Variants in ZNF805 observed in about 807,000 individuals in gnomAD.
The protein encoded by ZNF805 is CTC-444N24.8.
Under a neutral mutation model 13.6 loss-of-function variants are expected in ZNF805, and 7 were observed. The observed-to-expected ratio is 0.51, with a 90% CI of 0.29 to 0.97. The LOEUF (loss-of-function observed/expected upper bound fraction) is 0.97, where lower values mean the gene tolerates loss of function less well. Ranked by LOEUF, ZNF805 falls within the 50% of genes least tolerant of loss-of-function variation. The pLI, the probability that ZNF805 is intolerant of heterozygous loss-of-function variation, is 0.08. For missense variants in ZNF805, 604 were observed against 771.0 expected, an observed-to-expected ratio of 0.78 and a Z score of 2.57; for synonymous variants, 293 against 279.8, an observed-to-expected ratio of 1.05 and a Z score of -0.47.
chr19:57,260,155 A>G lies in ZNF805; in HGVS notation c.*5452A>G, dbSNP rs2087715367. 1.3e-5 allele frequency among the ~76,000 whole-genome samples: 2 copies of G among 152,100 alleles called. No homozygotes were observed. The highest frequency in any genetic ancestry group is 2.9e-5 in the Non-Finnish European group (2 of 68,024). On this transcript the variant is annotated 3_prime_UTR_variant, in exon 4 of 4. Coordinates refer to ENST00000414468, the MANE Select transcript of ZNF805 (RefSeq NM_001023563.4). ...TCTAAGATCACTCTTACACTTTTTT[A>G]TTAGACACACACACACCCTTCCCCA...
rs527809471 is a variant in ZNF805, at chr19:57,241,404, A to G, written c.30+483A>G. ...AAGCCATACGTGCTCAGCCTAACCA[A>G]TCACATACGATGCCCCACTTCTAGT... On this transcript the variant is annotated intron_variant, in intron 1 of 3. Coordinates refer to ENST00000414468, the MANE Select transcript of ZNF805 (RefSeq NM_001023563.4). 8.2e-4 allele frequency among the ~76,000 whole-genome samples: 125 copies of G among 152,162 alleles called. 1 individual carries two copies. Among genetic ancestry groups the G allele is most frequent in the Admixed American group, 1.4e-3 (22 of 15,272 alleles).
In ZNF805 at chr19:57,257,698, CTTTTTTTTTTTTT is replaced by C. The variant is rs869290620; in HGVS notation, c.*3008_*3020del. On this transcript the variant is annotated 3_prime_UTR_variant, in exon 4 of 4. Coordinates refer to ENST00000414468, the MANE Select transcript of ZNF805 (RefSeq NM_001023563.4). ...GTGGTTTTATATCCAGTTTGCGTATCTTTTTTTTTTTTTTTTTTTTTTTTTGAGACGGAGTTTT... is the reference window on the plus strand; with the variant it reads ...GTGGTTTTATATCCAGTTTGCGTATCTTTTTTTTTTTTGAGACGGAGTTTT... 3.2e-3 allele frequency among the ~76,000 whole-genome samples: 112 copies of C among 35,110 alleles called. 2 individuals are homozygous for C. The highest frequency in any genetic ancestry group is 0.014 in the African/African-American group (108 of 7,952). 23.0% of individuals were successfully genotyped at this position (35,110 alleles called of 152,430 possible).
At chr19:57,252,960 T>C (rs2087660328) in intron 3 of ZNF805, 113 bp from the exon 4 acceptor site, 6 of 964,098 alleles carry the variant, frequency 6.2e-6, no homozygotes, top group South Asian at 3.5e-5. Context: ...TGGCAAAATA[T>C]AACAGACATA....
At chr19:57,243,370 G>T (rs2087591346) in intron 1 of ZNF805, among the ~76,000 whole-genome samples, 1 of 152,178 alleles carries the variant, frequency 6.6e-6, no homozygotes, top group South Asian at 2.1e-4. Flanking sequence ...AGTCCAGTAA[G>T]CTCTGAATAA....
chr19:57,256,435 C>T lies in ZNF805; in HGVS notation c.*1732C>T, dbSNP rs1599998996. ...TGTTCCTTTAATGTTTGGTAGCTTT[C>T]TCCAGTGAAGAAGTGGGACCTGGAG... On this transcript the variant is annotated 3_prime_UTR_variant, in exon 4 of 4. Coordinates refer to ENST00000414468, the MANE Select transcript of ZNF805 (RefSeq NM_001023563.4). 6.6e-6 allele frequency among the ~76,000 whole-genome samples: 1 copy of T among 152,070 alleles called. No homozygotes were observed. The highest frequency in any genetic ancestry group is 2.1e-4 in the South Asian group (1 of 4,828).
At position 57,257,344 on chromosome 19, in the gene ZNF805, A is replaced by G. The variant is rs2087693423; in HGVS notation, c.*2641A>G. ...AGTATTTCTATCAATTGCCAAGAGAAGGATGTTGAAGTCCTGAGCTATAAT... is the reference window on the plus strand; with the variant it reads ...AGTATTTCTATCAATTGCCAAGAGAGGGATGTTGAAGTCCTGAGCTATAAT... On this transcript the variant is annotated 3_prime_UTR_variant, in exon 4 of 4. Coordinates refer to ENST00000414468, the MANE Select transcript of ZNF805 (RefSeq NM_001023563.4). Among the ~76,000 whole-genome samples the G allele has an allele frequency of 6.6e-6, 1 of 152,174 alleles. No individual in the cohort carries two copies. Among genetic ancestry groups the G allele is most frequent in the African/African-American group, 2.4e-5 (1 of 41,434 alleles).
Position 57,240,846 on chromosome 19 carries a change from C to T in ZNF805, c.-46C>T, listed in dbSNP as rs2087574460. 1 of 1,541,422 alleles carries T rather than the reference C, an allele frequency of 6.5e-7. No homozygotes were observed. Among genetic ancestry groups the T allele is most frequent in the Non-Finnish European group, 8.8e-7 (1 of 1,140,614 alleles). ...GCTCGGCTGAGCCCGCGAGACCCGCCCTGCTCGCCGCAGCCCCCGCCCCGC... is the reference window on the plus strand; with the variant it reads ...GCTCGGCTGAGCCCGCGAGACCCGCTCTGCTCGCCGCAGCCCCCGCCCCGC... On this transcript the variant is annotated 5_prime_UTR_variant, in exon 1 of 4. Transcript: ENST00000414468.
At chr19:57,248,810 TTTGGG>T in intron 3 of ZNF805, 110 bp downstream of exon 3, 2 of 1,026,680 alleles carry the variant, frequency 1.9e-6, no homozygotes, top group Non-Finnish European at 3.0e-6. Flanking sequence ...TCTCTAAGGG[TTTGGG>T]AGCCTTGGAG....
At chr19:57,248,414 G>C (rs965745366) in intron 2 of ZNF805, among the ~76,000 whole-genome samples, 191 bp from the exon 3 acceptor site, 2 of 152,152 alleles carry the variant, frequency 1.3e-5, no homozygotes, top group Non-Finnish European at 2.9e-5. Flanking sequence ...TTACTATTAG[G>C]AGTAGAGATT....
rs1315234023 is a variant in ZNF805 at position 57,248,691 on chromosome 19, A to G, written c.244A>G (p.Thr82Ala). ...WTRKEDLSQGTCPGDKGKPKS... is the reference protein window; with the variant it reads ...WTRKEDLSQGACPGDKGKPKS... Reference sequence around the variant, plus strand: ...CAGGAAGGAAGACCTCTCCCAAGGCACCTGTCCAGGTAGGAGCCAAGATCT... The same window carrying G: ...CAGGAAGGAAGACCTCTCCCAAGGCGCCTGTCCAGGTAGGAGCCAAGATCT... The change falls in exon 3 of 4, where the codon ACC (threonine) becomes GCC (alanine). Residue 82 changes from threonine to alanine, a missense_variant. By Grantham distance (58) the Thr-to-Ala change is moderately conservative. This residue lies in a region of ZNF805 where 327 missense variants were observed against 378.2 expected (regional missense o/e 0.86). Transcript: ENST00000414468. The G allele has an allele frequency of 6.3e-7, 1 of 1,588,670 alleles. No homozygotes were observed. Among genetic ancestry groups the G allele is most frequent in the Non-Finnish European group, 8.6e-7 (1 of 1,166,144 alleles).
chr19:57,251,499 G>C (rs2087651747), intron 3 of ZNF805, among the ~76,000 whole-genome samples: 1 of 151,658 alleles, frequency 6.6e-6, no homozygotes, highest in South Asian at 2.1e-4. Context: ...TTTTATTTTT[G>C]TACATTATAG....
At chr19:57,252,339 C>T (rs2087656758) in intron 3 of ZNF805, among the ~76,000 whole-genome samples, 2 of 152,166 alleles carry the variant, frequency 1.3e-5, no homozygotes, top group African/African-American at 4.8e-5. Flanking sequence ...CAGGGATTTC[C>T]TGAAACCAAC....
At position 57,260,616 on chromosome 19, in the gene ZNF805, C is replaced by G. The variant is rs2087718547; in HGVS notation, c.*5913C>G. Among the ~76,000 whole-genome samples, 1 of 152,136 alleles carries G rather than the reference C, an allele frequency of 6.6e-6. No homozygotes were observed. Among genetic ancestry groups the G allele is most frequent in the Non-Finnish European group, 1.5e-5 (1 of 68,032 alleles). On this transcript the variant is annotated 3_prime_UTR_variant, in exon 4 of 4. Coordinates refer to ENST00000414468, the MANE Select transcript of ZNF805 (RefSeq NM_001023563.4). ...TTCCATCTGTAAAACAGCTTTACTT[C>G]CCAGCATCCATCATGATCATTGCTG...
chr19:57,262,183 G>C lies in ZNF805; in HGVS notation c.*7480G>C, dbSNP rs539383972. ...ATGAACCTTGCAAGATCAAAGAATA[G>C]CAGTCTCTGGCCTGCTCTGTTCTCT... On this transcript the variant is annotated 3_prime_UTR_variant, in exon 4 of 4. Transcript: ENST00000414468. 1 of 167,140 alleles carries C rather than the reference G, an allele frequency of 6.0e-6. No individual in the cohort carries two copies. Among genetic ancestry groups the C allele is most frequent in the East Asian group, 1.9e-4 (1 of 5,188 alleles). The allele number at this position is 167,140 out of a possible 1,614,324, so 10.4% of individuals were successfully genotyped here.
chr19:57,240,795 CG>C lies in ZNF805; in HGVS notation c.-94del. ...GAGTTTGACTGTCAGCCAAGGTCACCGGGCCCGGCGCAGGGAAGGGGTGGGG... is the reference window on the plus strand; with the variant it reads ...GAGTTTGACTGTCAGCCAAGGTCACCGGCCCGGCGCAGGGAAGGGGTGGGG... On this transcript the variant is annotated 5_prime_UTR_variant, in exon 1 of 4. Coordinates refer to ENST00000414468, the MANE Select transcript of ZNF805 (RefSeq NM_001023563.4). The C allele has an allele frequency of 2.4e-6, 3 of 1,231,690 alleles. No individual in the cohort carries two copies. Among genetic ancestry groups the C allele is most frequent in the South Asian group, 3.0e-5 (2 of 67,228 alleles). 76.3% of individuals were successfully genotyped at this position (1,231,690 alleles called of 1,614,324 possible).
chr19:57,244,160 C>T, intron 2 of ZNF805, 111 bp downstream of exon 2: 1 of 1,365,162 alleles, frequency 7.3e-7, no homozygotes. Flanking sequence ...TTGCCTCCTT[C>T]CCACAAATTC....
intron 1 of ZNF805, among the ~76,000 whole-genome samples, chr19:57,243,373 C>G (rs2087591375): frequency 6.6e-6 from 1 of 152,164 alleles, no homozygotes; most frequent in South Asian, 2.1e-4. Flanking sequence ...CCAGTAAGCT[C>G]TGAATAACTC....
chr19:57,252,992 T>A, intron 3 of ZNF805, 81 bp from the exon 4 acceptor site: 2 of 1,204,294 alleles, frequency 1.7e-6, no homozygotes, highest in East Asian at 2.9e-5. Flanking sequence ...TATAACTTCA[T>A]TTTTTTTACT....
At chr19:57,247,267 G>T (rs1356945946) in intron 2 of ZNF805, among the ~76,000 whole-genome samples, 1 of 152,138 alleles carries the variant, frequency 6.6e-6, no homozygotes, top group Admixed American at 6.5e-5. Flanking sequence ...CTGGGGTCTG[G>T]AGTCACTGAC....
Sources: allele counts gnomAD v4.1 joint callset (sites outside exome capture counted in the v4.1 genomes callset), GRCh38; gene constraint gnomAD v4.1.1; regional missense constraint gnomAD v4.1.1; transcripts MANE v1.5; gene names NCBI Gene and HGNC (gene_info 2026-07-23, HGNC 2026-07-21).